Variants in LITAF observed in about 807,000 individuals in gnomAD.
LITAF encodes the protein lipopolysaccharide-induced tumor necrosis factor-alpha factor.
A neutral mutation model predicts 14.5 loss-of-function variants in LITAF; 9 were observed. The observed-to-expected ratio is 0.62, with a 90% CI of 0.37 to 1.08. The LOEUF (loss-of-function observed/expected upper bound fraction) is 1.08, where lower values mean the gene tolerates loss of function less well. Ranked by LOEUF, LITAF falls within the 50% of genes least tolerant of loss-of-function variation. LITAF has a pLI of 0.01. For missense variants in LITAF, 206 were observed against 213.4 expected, an observed-to-expected ratio of 0.97 and a Z score of 0.22; for synonymous variants, 98 against 88.2, an observed-to-expected ratio of 1.11 and a Z score of -0.62.
upstream of LITAF, among the ~76,000 whole-genome samples, chr16:11,591,237 G>A (rs1046141445): frequency 1.7e-5 from 2 of 118,460 alleles, 1 homozygote; most frequent in African/African-American, 8.0e-5. Flanking sequence ...ATTCTGGGAT[G>A]TAGTAGTGCC....
At position 11,549,873 on chromosome 16, in the gene LITAF, T is replaced by C; in HGVS notation, c.378-128A>G. 4.0e-6 allele frequency: 3 copies of C among 748,988 alleles called. No homozygotes were observed. The highest frequency in any genetic ancestry group is 4.7e-6 in the Non-Finnish European group (2 of 428,494). 46.4% of individuals were successfully genotyped at this position (748,988 alleles called of 1,614,324 possible). A position where few individuals can be genotyped will look rare whatever the true frequency, so the allele number is the denominator to read the frequency against. ...GCCAGTATAATTAGGAATTTTGAGA[T>C]GGGATCATCTTGGATTATCCAGGCG... On this transcript the variant is annotated intron_variant, in intron 3 of 3. Transcript: ENST00000622633. The surrounding 1 kb of genome is among the most constrained non-coding windows in gnomAD (Gnocchi z 4.6).
chr16:11,614,835 C>T (rs2065007146), intron 3 of LITAF, among the ~76,000 whole-genome samples: 1 of 152,236 alleles, frequency 6.6e-6, no homozygotes, highest in African/African-American at 2.4e-5. Flanking sequence ...TTTAAACTTG[C>T]CCAGTGGCAT....
chr16:11,615,021 C>T (rs2065008511), intron 3 of LITAF, among the ~76,000 whole-genome samples: 1 of 152,146 alleles, frequency 6.6e-6, no homozygotes, highest in South Asian at 2.1e-4. Context: ...AGCACCCAGC[C>T]CAGCAGCTGG....
intron 3 of LITAF, among the ~76,000 whole-genome samples, chr16:11,551,316 A>C (rs1011885641): frequency 3.3e-5 from 5 of 152,142 alleles, no homozygotes; most frequent in African/African-American, 4.8e-5. Context: ...GGCAGCACAC[A>C]CACATATTTC....
chr16:11,599,126 G>C (rs890412487), upstream of LITAF, among the ~76,000 whole-genome samples: 6 of 146,904 alleles, frequency 4.1e-5, no homozygotes, highest in South Asian at 2.2e-4. Flanking sequence ...AGCCTTTTAT[G>C]GGGGGGTGGG....
At chr16:11,624,933 G>A (rs2065074569) in intron 3 of LITAF, among the ~76,000 whole-genome samples, 1 of 152,088 alleles carries the variant, frequency 6.6e-6, no homozygotes, top group Non-Finnish European at 1.5e-5. Flanking sequence ...GAGACTGCCC[G>A]ATAAGACTAC....
intron 1 of LITAF, among the ~76,000 whole-genome samples, chr16:11,578,361 C>G (rs1000732664): frequency 6.6e-6 from 1 of 152,078 alleles, no homozygotes; most frequent in South Asian, 2.1e-4. Flanking sequence ...AGTTCGAGAC[C>G]AGCCTGGCCA....
At chr16:11,591,671 C>T (rs553693830), upstream of LITAF, among the ~76,000 whole-genome samples, 1 of 152,130 alleles carries the variant, frequency 6.6e-6, no homozygotes, top group South Asian at 2.1e-4. Flanking sequence ...GACAGAGTCT[C>T]ACTCCGTCAC....
rs1260684022 is a variant in LITAF, at chr16:11,553,961, T to C, written c.221-272A>G. Reference sequence around the variant, plus strand: ...AAAAAGAAAGGAGGACCGGGCGCGGTAGCTCATGCCTGTAATCCCAACACT... The same window carrying C: ...AAAAAGAAAGGAGGACCGGGCGCGGCAGCTCATGCCTGTAATCCCAACACT... On this transcript the variant is annotated intron_variant, in intron 2 of 3. Transcript: ENST00000622633. The surrounding 1 kb of genome is among the most constrained non-coding windows in gnomAD (Gnocchi z 7.7). Among the ~76,000 whole-genome samples, 1 of 152,146 alleles carries C rather than the reference T, an allele frequency of 6.6e-6. No individual in the cohort carries two copies. The highest frequency in any genetic ancestry group is 1.9e-4 in the East Asian group (1 of 5,198).
At chr16:11,568,560 C>A (rs185334785) in intron 1 of LITAF, among the ~76,000 whole-genome samples, 1 of 152,192 alleles carries the variant, frequency 6.6e-6, no homozygotes, top group African/African-American at 2.4e-5. Flanking sequence ...CCAAAGATGT[C>A]ACAACGTCAA....
chr16:11,622,338 C>G (rs986948508), intron 3 of LITAF, among the ~76,000 whole-genome samples: 1 of 152,262 alleles, frequency 6.6e-6, no homozygotes, highest in African/African-American at 2.4e-5. Flanking sequence ...CGGCCTCCCC[C>G]TGCTCCCTGG....
At chr16:11,616,063 T>A (rs2065017798) in intron 3 of LITAF, among the ~76,000 whole-genome samples, 1 of 152,108 alleles carries the variant, frequency 6.6e-6, no homozygotes, top group Admixed American at 6.6e-5. Context: ...GCCAAATACA[T>A]CCACTACCTG....
intron 3 of LITAF, among the ~76,000 whole-genome samples, chr16:11,620,554 T>A (rs1429601277): frequency 6.6e-6 from 1 of 152,198 alleles, no homozygotes; most frequent in Admixed American, 6.6e-5. Flanking sequence ...GTCACAGGTA[T>A]GTTTTTACAG....
chr16:11,637,908 A>ATC (rs1555475625), upstream of LITAF, among the ~76,000 whole-genome samples: 25 of 59,590 alleles, frequency 4.2e-4, 2 homozygotes, highest in African/African-American at 3.8e-3. Flanking sequence ...CTATATATAT[A>ATC]TATATCTATA....
chr16:11,561,822 C>T (rs1260979627), intron 1 of LITAF, among the ~76,000 whole-genome samples: 2 of 143,476 alleles, frequency 1.4e-5, no homozygotes, highest in Non-Finnish European at 3.0e-5. Flanking sequence ...TCCTTATCAC[C>T]CCCCCAACTA....
Position 11,577,962 on chromosome 16 carries a change from C to T in LITAF, c.-6+8924G>A, listed in dbSNP as rs142937392. ...CCAGGCTGGCATGCAATGGCTTGAT[C>T]GTAACTCACTGCAGCCTTCAACTCC... On this transcript the variant is annotated intron_variant, in intron 1 of 3. Transcript: ENST00000622633. Among the ~76,000 whole-genome samples the T allele has an allele frequency of 2.0e-3, 307 of 152,072 alleles. 4 individuals are homozygous for T. Among genetic ancestry groups the T allele is most frequent in the African/African-American group, 7.2e-3 (299 of 41,486 alleles).
intron 3 of LITAF, among the ~76,000 whole-genome samples, chr16:11,624,380 A>G (rs375691434): frequency 3.3e-5 from 5 of 152,140 alleles, no homozygotes; most frequent in Admixed American, 2.0e-4. Flanking sequence ...GTCAATCTCT[A>G]TGGTTACAGC....
intron 3 of LITAF, among the ~76,000 whole-genome samples, chr16:11,621,062 AT>A (rs398038189): frequency 1.4e-3 from 202 of 144,744 alleles, no homozygotes; most frequent in Middle Eastern, 3.5e-3. Context: ...CACCCAGTTA[AT>A]TTTTTTTTTT....
upstream of LITAF, among the ~76,000 whole-genome samples, chr16:11,591,335 C>G (rs2064844664): frequency 8.7e-6 from 1 of 115,506 alleles, no homozygotes; most frequent in Non-Finnish European, 1.7e-5. Context: ...CAGGTGCGCA[C>G]CACCATGCCT....
Sources: allele counts gnomAD v4.1 joint callset (sites outside exome capture counted in the v4.1 genomes callset), GRCh38; gene constraint gnomAD v4.1.1; non-coding constraint Gnocchi (gnomAD v3.1); transcripts MANE v1.5; gene names NCBI Gene and HGNC (gene_info 2026-07-23, HGNC 2026-07-21).